HGF: variants seen among roughly 807,000 people sequenced by gnomAD.
The protein encoded by HGF is fibroblast-derived tumor cytotoxic factor.
HGF carries 39 observed loss-of-function variants against 111.6 expected under a neutral mutation model. That is an observed-to-expected ratio of 0.35 (90% CI 0.27 to 0.46). The LOEUF (loss-of-function observed/expected upper bound fraction) is 0.46. Among genes scored for constraint, HGF ranks in the 20% least tolerant of loss-of-function variants. The pLI, the probability that HGF is intolerant of heterozygous loss-of-function variation, is 1.00. For synonymous variants in HGF, 285 were observed against 294.8 expected (o/e 0.97, Z 0.34); for missense variants, 735 against 910.5 (o/e 0.81, Z 2.48).
chr7:81,766,402 T>C (rs1789358810), intron 1 of HGF, among the ~76,000 whole-genome samples: 1 of 152,180 alleles, frequency 6.6e-6, no homozygotes, highest in Non-Finnish European at 1.5e-5. Context: ...AAGGGAATGG[T>C]TGAGACTGGA....
intron 11 of HGF, among the ~76,000 whole-genome samples, chr7:81,712,382 A>AT (rs1356861266): frequency 6.6e-6 from 1 of 152,214 alleles, no homozygotes; most frequent in African/African-American, 2.4e-5. Context: ...ATAGATATCA[A>AT]TGTCACTAAT....
intron 1 of HGF, among the ~76,000 whole-genome samples, chr7:81,765,302 T>C (rs1376348768): frequency 1.3e-5 from 2 of 152,132 alleles, no homozygotes; most frequent in African/African-American, 4.8e-5. Flanking sequence ...TTGTATTTAA[T>C]TCTAAATCTC....
intron 7 of HGF, among the ~76,000 whole-genome samples, chr7:81,736,432 G>T (rs574280478): frequency 1.3e-5 from 2 of 151,946 alleles, no homozygotes; most frequent in South Asian, 2.1e-4. Context: ...TGGCCCCAAG[G>T]CACAAAAATA....
intron 5 of HGF, chr7:81,751,305 A>G: frequency 2.2e-5 from 22 of 985,150 alleles, no homozygotes; most frequent in Non-Finnish European, 2.5e-5. Context: ...ATTTTTGGAA[A>G]TTTAGAGTTT....
intron 12 of HGF, 49 bp downstream of exon 12, chr7:81,711,432 A>G: frequency 4.8e-6 from 5 of 1,042,406 alleles, no homozygotes; most frequent in Non-Finnish European, 7.1e-6. Flanking sequence ...CACTTCTGAC[A>G]CACAGAGAGA....
intron 5 of HGF, chr7:81,750,959 A>G: frequency 1.1e-6 from 1 of 937,448 alleles, no homozygotes; most frequent in Non-Finnish European, 1.3e-6. Flanking sequence ...GGTTATAGGG[A>G]ACAGAATATG....
chr7:81,702,665 A>T lies in HGF; in HGVS notation c.2103T>A (p.Asn701Lys), dbSNP rs1331806355. ...IVPGRGCAIP[N>K]RPGIFVRVAY... The stretch of plus-strand genomic sequence containing the variant: ...CTACTCGGACAAAAATACCAGGACG[A>T]TTTGGAATGGCACATCCACGACCAG... Residue 701 changes from asparagine to lysine, a missense_variant, in exon 18 of 18, where the codon AAT becomes AAA. By Grantham distance (94) the Asn-to-Lys change is moderately conservative (BLOSUM62 0). Around this residue, in one of 3 missense-constraint regions of HGF, gnomAD observed 52 missense variants for 95.0 expected, o/e 0.55. Transcript: ENST00000222390. 6.2e-7 allele frequency: 1 copy of T among 1,611,786 alleles called. No homozygotes were observed. Among genetic ancestry groups the T allele is most frequent in the South Asian group, 1.1e-5 (1 of 91,016 alleles).
chr7:81,746,461 GT>G (rs1158976738), intron 5 of HGF, among the ~76,000 whole-genome samples: 1 of 152,090 alleles, frequency 6.6e-6, no homozygotes, highest in Non-Finnish European at 1.5e-5. Flanking sequence ...TGCTTAACAG[GT>G]TCATTTAGGT....
intron 2 of HGF, among the ~76,000 whole-genome samples, 166 bp from the exon 3 acceptor site, chr7:81,758,970 G>C (rs993616813): frequency 1.3e-5 from 2 of 152,066 alleles, no homozygotes; most frequent in African/African-American, 4.8e-5. Flanking sequence ...CTACCATTTT[G>C]ATAGCCAAAC....
intron 8 of HGF, among the ~76,000 whole-genome samples, chr7:81,727,985 C>A (rs1790064014): frequency 6.6e-6 from 1 of 152,126 alleles, no homozygotes; most frequent in African/African-American, 2.4e-5. Flanking sequence ...CATGTCGATT[C>A]ATCACAGGCA....
intron 1 of HGF, among the ~76,000 whole-genome samples, chr7:81,765,576 T>C (rs1789318072): frequency 6.6e-6 from 1 of 152,128 alleles, no homozygotes; most frequent in African/African-American, 2.4e-5. Flanking sequence ...CATAGAAACT[T>C]TCCCTTTTAA....
intron 7 of HGF, chr7:81,736,800 A>T: frequency 2.2e-6 from 1 of 455,290 alleles, no homozygotes; most frequent in Admixed American, 2.4e-5. Context: ...ATATAAGGTT[A>T]GAAATATAGA....
chr7:81,737,992 A>T (rs1787888895), intron 7 of HGF, among the ~76,000 whole-genome samples: 1 of 152,070 alleles, frequency 6.6e-6, no homozygotes, highest in African/African-American at 2.4e-5. Context: ...AAATACTAAT[A>T]CTGCATGTTC....
chr7:81,765,495 G>A (rs1789313314), intron 1 of HGF, among the ~76,000 whole-genome samples: 1 of 151,706 alleles, frequency 6.6e-6, no homozygotes, highest in African/African-American at 2.4e-5. Flanking sequence ...AGCTTGTCTG[G>A]GGCTACAAAG....
intron 13 of HGF, among the ~76,000 whole-genome samples, chr7:81,707,921 A>G (rs1789470062): frequency 6.6e-6 from 1 of 152,150 alleles, no homozygotes; most frequent in Admixed American, 6.6e-5. Flanking sequence ...GTATAAGATC[A>G]GGAATATAAT....
chr7:81,711,619 G>T (rs930784375), intron 11 of HGF, 100 bp from the exon 12 acceptor site: 10 of 550,326 alleles, frequency 1.8e-5, no homozygotes, highest in Non-Finnish European at 3.2e-5. Flanking sequence ...AATGAATTCA[G>T]TAATTTACTA....
intron 4 of HGF, chr7:81,755,866 C>G: frequency 1.8e-6 from 1 of 559,136 alleles, no homozygotes; most frequent in Non-Finnish European, 3.2e-6. Flanking sequence ...TAGAGATGAT[C>G]AGCTTGGACA....
intron 2 of HGF, among the ~76,000 whole-genome samples, chr7:81,761,818 G>A (rs554535745): frequency 5.2e-4 from 79 of 151,146 alleles, no homozygotes; most frequent in African/African-American, 1.4e-3. Context: ...GGGCCGGGGA[G>A]CGGGGAATGG....
intron 13 of HGF, 72 bp from the exon 14 acceptor site, chr7:81,707,436 G>A: frequency 2.3e-6 from 2 of 865,592 alleles, no homozygotes; most frequent in South Asian, 1.3e-5. Flanking sequence ...TGCAAAGCCT[G>A]TGGCTCCATT....
Sources: allele counts gnomAD v4.1 joint callset (sites outside exome capture counted in the v4.1 genomes callset), GRCh38; gene constraint gnomAD v4.1.1; regional missense constraint gnomAD v4.1.1; transcripts MANE v1.5; gene names NCBI Gene and HGNC (gene_info 2026-07-23, HGNC 2026-07-21).